The following CDC27 variants were observed in gnomAD, a reference collection of about 807,000 sequenced individuals.
CDC27 encodes the protein cell division cycle 27, also known as cell division cycle protein 27 homolog.
Under a neutral mutation model 109.7 loss-of-function variants are expected in CDC27, and 27 were observed. The ratio of observed to expected loss-of-function variants is 0.25; its 90% confidence interval spans 0.18 to 0.34. The LOEUF is 0.34. Ranked by LOEUF, CDC27 falls within the 10% of genes least tolerant of loss-of-function variation. The pLI is 1.00. For synonymous variants in CDC27, 266 were observed against 333.9 expected (o/e 0.80, Z 2.22); for missense variants, 579 against 960.2 (o/e 0.60, Z 5.25).
intron 1 of CDC27, chr17:47,188,899 G>A (rs2064558410): frequency 7.2e-7 from 1 of 1,384,390 alleles, no homozygotes; most frequent in Non-Finnish European, 9.4e-7. Flanking sequence ...ACGTTGGCTC[G>A]GACGGGAAAG....
intron 14 of CDC27, among the ~76,000 whole-genome samples, chr17:47,133,384 C>T (rs768263500): frequency 2.0e-5 from 3 of 148,260 alleles, no homozygotes; most frequent in Non-Finnish European, 4.4e-5. Context: ...GTGATCCGCC[C>T]GCCTTGGCCT....
At chr17:47,136,565 C>A (rs968353492) in intron 14 of CDC27, among the ~76,000 whole-genome samples, 3 of 152,054 alleles carry the variant, frequency 2.0e-5, no homozygotes, top group African/African-American at 7.2e-5. Flanking sequence ...GAAATAGGAC[C>A]AAACTTTTTC....
chr17:47,130,737 C>T (rs1180683601), intron 15 of CDC27, among the ~76,000 whole-genome samples: 1 of 151,894 alleles, frequency 6.6e-6, no homozygotes, highest in African/African-American at 2.4e-5. Context: ...ATTAGCCAGG[C>T]GTGGTGTCGG....
At chr17:47,149,510 A>G (rs1200467373) in intron 9 of CDC27, among the ~76,000 whole-genome samples, 1 of 3,032 alleles carries the variant, frequency 3.3e-4, no homozygotes, top group African/African-American at 7.1e-4. Flanking sequence ...ACTCTGTCTT[A>G]AAAAAAAAAA....
chr17:47,154,807 A>G, intron 7 of CDC27, 21 bp from the exon 8 acceptor site: 1 of 1,276,626 alleles, frequency 7.8e-7, no homozygotes. Flanking sequence ...GTTGAAATCA[A>G]GGTGTCAAAA....
rs35001684 is a variant in CDC27, at chr17:47,177,918, A to AT, written c.103+3643dup. On this transcript the variant is annotated intron_variant, in intron 2 of 18. Transcript: ENST00000066544. ...GCTATCATAGTAGTTGCATTAATGT[A>AT]TTTTTTTCCTCATAGTCTAACACTA... Among the ~76,000 whole-genome samples the AT allele has an allele frequency of 3.3e-5, 5 of 152,108 alleles. No individual in the cohort carries two copies. The East Asian group carries it at 7.7e-4, about 24-fold the overall frequency.
chr17:47,189,031 G>A (rs758203179), intron 1 of CDC27, 115 bp downstream of exon 1: 4 of 1,510,006 alleles, frequency 2.6e-6, no homozygotes, highest in Non-Finnish European at 3.6e-6. Flanking sequence ...CACGGCAGCA[G>A]GGGAGGCGGG....
At chr17:47,178,809 C>CA (rs1373089702) in intron 2 of CDC27, among the ~76,000 whole-genome samples, 7 of 148,936 alleles carry the variant, frequency 4.7e-5, no homozygotes, top group African/African-American at 1.7e-4. Context: ...TTCCTTTTTC[C>CA]GTTTTTTTTT....
At chr17:47,132,172 A>G in intron 15 of CDC27, 85 bp downstream of exon 15, 1 of 711,724 alleles carries the variant, frequency 1.4e-6, no homozygotes, top group Non-Finnish European at 2.3e-6. Flanking sequence ...AAAAAGGACC[A>G]ATTTTTATCA....
intron 4 of CDC27, 56 bp from the exon 5 acceptor site, chr17:47,158,359 A>G: frequency 1.2e-6 from 1 of 840,792 alleles, no homozygotes; most frequent in Non-Finnish European, 1.8e-6. Context: ...CCTGTATCAT[A>G]AACTTTTAGT....
intron 1 of CDC27, among the ~76,000 whole-genome samples, chr17:47,185,479 G>A (rs909989128): frequency 3.9e-5 from 6 of 151,934 alleles, no homozygotes; most frequent in Admixed American, 1.3e-4. Context: ...CACCGCGCCC[G>A]GCCTGTAATC....
At chr17:47,175,099 A>T (rs962089207) in intron 2 of CDC27, among the ~76,000 whole-genome samples, 22 of 37,050 alleles carry the variant, frequency 5.9e-4, no homozygotes, top group Middle Eastern at 9.3e-3. Flanking sequence ...GGAAGGAAGT[A>T]AGTTGTAGCA....
chr17:47,133,381 G>A (rs182797028), intron 14 of CDC27, among the ~76,000 whole-genome samples: 1,733 of 147,676 alleles, frequency 0.012, 15 homozygotes, highest in Non-Finnish European at 0.017. Context: ...CAGGTGATCC[G>A]CCCGCCTTGG....
At chr17:47,126,978 G>C (rs576978872) in intron 16 of CDC27, among the ~76,000 whole-genome samples, 8 of 152,216 alleles carry the variant, frequency 5.3e-5, no homozygotes, top group African/African-American at 1.9e-4. Flanking sequence ...ATTTTCAGTA[G>C]AGACAGGGTT....
chr17:47,131,642 A>G (rs371553662), intron 15 of CDC27, among the ~76,000 whole-genome samples: 8 of 151,570 alleles, frequency 5.3e-5, no homozygotes, highest in South Asian at 4.2e-4. Flanking sequence ...CATAATGTAC[A>G]TATCTTTTCT....
chr17:47,138,748 A>T lies in CDC27; in HGVS notation c.1695T>A (p.Asn565Lys). 6.2e-7 allele frequency: 1 copy of T among 1,610,250 alleles called. No homozygotes were observed. Among genetic ancestry groups the T allele is most frequent in the Non-Finnish European group, 8.5e-7 (1 of 1,179,180 alleles). Residue 565 changes from asparagine to lysine, a missense_variant, in exon 13 of 19, where the codon AAT becomes AAA. By Grantham distance (94) the Asn-to-Lys change is moderately conservative. This residue lies in a region of CDC27 where 227 missense variants were observed against 363.6 expected (regional missense o/e 0.62). Coordinates refer to ENST00000066544, the MANE Select transcript of CDC27 (RefSeq NM_001256.6). ...LSKDLTDMDK[N>K]SPEAWCAAGN... ...ATTTTGGTTAACATACCTCTGGCGA[A>T]TTTTTATCCATGTCTGTTAAGTCTT...
intron 1 of CDC27, among the ~76,000 whole-genome samples, chr17:47,185,233 C>T (rs1372204260): frequency 6.6e-6 from 1 of 152,066 alleles, no homozygotes; most frequent in African/African-American, 2.4e-5. Flanking sequence ...GGCTGGAGTG[C>T]AGTGGCGCGA....
At chr17:47,157,569 C>T (rs2063355311) in intron 5 of CDC27, among the ~76,000 whole-genome samples, 185 bp from the exon 6 acceptor site, 1 of 135,160 alleles carries the variant, frequency 7.4e-6, no homozygotes, top group Non-Finnish European at 1.6e-5. Flanking sequence ...AAAAGTTTAC[C>T]AGTAAGATAA....
intron 2 of CDC27, among the ~76,000 whole-genome samples, chr17:47,177,240 G>A (rs1187457632): frequency 3.9e-5 from 6 of 152,054 alleles, no homozygotes; most frequent in African/African-American, 1.4e-4. Context: ...GGGCAACATA[G>A]GGAGATCTTG....
Sources: gnomAD v4.1 joint callset for allele counts (sites outside exome capture counted in the v4.1 genomes callset) on GRCh38, gnomAD v4.1.1 for gene constraint, gnomAD v4.1.1 regional missense constraint, MANE v1.5 for transcripts, NCBI Gene and HGNC (gene_info 2026-07-23, HGNC 2026-07-21) for gene names.